Variants in KCNIP4 observed in about 807,000 individuals in gnomAD.
The protein encoded by KCNIP4 is potassium voltage-gated channel interacting protein 4.
In KCNIP4, 12 loss-of-function variants were observed where a neutral mutation model predicts 34.0. The observed-to-expected ratio is 0.35, with a 90% CI of 0.23 to 0.57. The LOEUF is 0.57. Ranked by LOEUF, KCNIP4 falls within the 20% of genes least tolerant of loss-of-function variation. The pLI, the probability that KCNIP4 is intolerant of heterozygous loss-of-function variation, is 0.83. For synonymous variants in KCNIP4, 124 were observed against 102.2 expected (o/e 1.21, Z -1.29); for missense variants, 238 against 311.7 (o/e 0.76, Z 1.78).
At chr4:20,737,470 A>G (rs1040946778) in intron 5 of KCNIP4, among the ~76,000 whole-genome samples, 7 of 152,166 alleles carry the variant, frequency 4.6e-5, no homozygotes, top group African/African-American at 1.7e-4. Flanking sequence ...GCTCTTGAGA[A>G]GGTGGGGAGG....
chr4:21,008,559 T>C, intron 1 of KCNIP4, among the ~76,000 whole-genome samples: 1 of 152,092 alleles, frequency 6.6e-6, no homozygotes, highest in Non-Finnish European at 1.5e-5. Context: ...AGTCTCGCTC[T>C]GTCGCCCAGG....
intron 1 of KCNIP4, among the ~76,000 whole-genome samples, chr4:21,284,793 C>T (rs975220742): frequency 3.3e-5 from 5 of 151,440 alleles, no homozygotes; most frequent in Non-Finnish European, 2.9e-5. Context: ...GCTGTAGTTA[C>T]CCAAAAGTAA....
Position 21,526,021 on chromosome 4 carries a change from G to T in KCNIP4, c.61+422550C>A, listed in dbSNP as rs550914367. 8.5e-5 allele frequency among the ~76,000 whole-genome samples: 13 copies of T among 152,162 alleles called. No homozygotes were observed. In the South Asian group the frequency reaches 2.3e-3, roughly 27 times the overall value. On this transcript the variant is annotated intron_variant, in intron 1 of 8. Coordinates refer to ENST00000382152, the MANE Select transcript of KCNIP4 (RefSeq NM_025221.6). ...TTTTTAACTGGAAGTTTTCTTCGAT[G>T]AATGAATATGCAGATGGCATATGAA...
intron 1 of KCNIP4, among the ~76,000 whole-genome samples, chr4:21,597,134 C>A (rs562138132): frequency 2.2e-4 from 33 of 152,108 alleles, no homozygotes; most frequent in African/African-American, 7.5e-4. Flanking sequence ...TTGTAGCTCC[C>A]ATAATTCTCA....
chr4:21,262,671 C>G (rs1051364364), intron 1 of KCNIP4, among the ~76,000 whole-genome samples: 1 of 152,152 alleles, frequency 6.6e-6, no homozygotes, highest in African/African-American at 2.4e-5. Flanking sequence ...TCTCTGGGAG[C>G]AATTTCTAAT....
At chr4:20,748,383 C>T (rs1245529881) in intron 5 of KCNIP4, among the ~76,000 whole-genome samples, 7 of 151,888 alleles carry the variant, frequency 4.6e-5, no homozygotes, top group Non-Finnish European at 1.0e-4. Context: ...GTCCTTTAGA[C>T]AGTCCATCAG....
At chr4:21,803,305 A>G (rs1401687591) in intron 1 of KCNIP4, among the ~76,000 whole-genome samples, 1 of 151,790 alleles carries the variant, frequency 6.6e-6, no homozygotes, top group Non-Finnish European at 1.5e-5. Flanking sequence ...AGAGTCTACA[A>G]CTCTCCATTC....
intron 1 of KCNIP4, among the ~76,000 whole-genome samples, chr4:21,286,297 A>G (rs1158696778): frequency 3.9e-5 from 6 of 152,234 alleles, no homozygotes; most frequent in African/African-American, 1.4e-4. Flanking sequence ...GCCTATGATA[A>G]GGCCACCGTT....
At chr4:21,513,065 A>G (rs1270084430) in intron 1 of KCNIP4, among the ~76,000 whole-genome samples, 1 of 152,180 alleles carries the variant, frequency 6.6e-6, no homozygotes, top group African/African-American at 2.4e-5. Context: ...TACCATTGCC[A>G]TTCCACCTCC....
At chr4:20,996,866 G>T (rs781288146) in intron 1 of KCNIP4, among the ~76,000 whole-genome samples, 1 of 151,912 alleles carries the variant, frequency 6.6e-6, no homozygotes, top group Non-Finnish European at 1.5e-5. Flanking sequence ...TCATCTCACT[G>T]TCTCCAGGAA....
intron 1 of KCNIP4, among the ~76,000 whole-genome samples, chr4:21,803,082 C>G (rs1721096485): frequency 6.6e-6 from 1 of 152,158 alleles, no homozygotes; most frequent in Non-Finnish European, 1.5e-5. Flanking sequence ...GGATGAAGGC[C>G]TGCTCCAGAA....
chr4:21,526,515 T>C (rs567177770), intron 1 of KCNIP4, among the ~76,000 whole-genome samples: 2 of 152,238 alleles, frequency 1.3e-5, no homozygotes, highest in South Asian at 2.1e-4. Flanking sequence ...TGTAACAAAA[T>C]TGAAGTTATG....
Position 21,763,105 on chromosome 4 carries a change from C to T in KCNIP4, c.61+185466G>A, listed in dbSNP as rs543690581. On this transcript the variant is annotated intron_variant, in intron 1 of 8. Transcript: ENST00000382152. Reference sequence around the variant, plus strand: ...ACACTCAGGAATGCATTCCTAACAACGAGCACAGGTTCACCAGACAATAAT... The same window carrying T: ...ACACTCAGGAATGCATTCCTAACAATGAGCACAGGTTCACCAGACAATAAT... The T allele has an allele frequency of 2.3e-4, 297 of 1,288,002 alleles. No individual in the cohort carries two copies. In the African/African-American group the frequency reaches 2.5e-3, roughly 11 times the overall value. The allele number at this position is 1,288,002 out of a possible 1,614,324, so 79.8% of individuals were successfully genotyped here.
intron 1 of KCNIP4, among the ~76,000 whole-genome samples, chr4:21,169,700 G>GTT (rs1285489394): frequency 6.6e-6 from 1 of 151,298 alleles, no homozygotes; most frequent in Admixed American, 6.6e-5. Context: ...GTGTGTGTGT[G>GTT]TGTGTTTTAT....
intron 1 of KCNIP4, among the ~76,000 whole-genome samples, chr4:20,961,725 T>A (rs1462058359): frequency 2.0e-5 from 3 of 152,136 alleles, no homozygotes; most frequent in African/African-American, 4.8e-5. Flanking sequence ...AATTCTGATC[T>A]CAGAGGTCCC....
At chr4:21,199,926 C>A (rs1756344852) in intron 1 of KCNIP4, among the ~76,000 whole-genome samples, 2 of 151,928 alleles carry the variant, frequency 1.3e-5, no homozygotes, top group African/African-American at 4.8e-5. Flanking sequence ...TCATTCTCAG[C>A]AAACTATTGC....
intron 1 of KCNIP4, among the ~76,000 whole-genome samples, chr4:21,860,299 G>A (rs567899624): frequency 1.3e-5 from 2 of 151,866 alleles, no homozygotes; most frequent in Admixed American, 1.3e-4. Flanking sequence ...ACACCCGGCT[G>A]ATTTTTGTAT....
intron 1 of KCNIP4, among the ~76,000 whole-genome samples, chr4:21,171,715 A>G (rs543704981): frequency 4.6e-5 from 7 of 152,236 alleles, no homozygotes; most frequent in African/African-American, 1.2e-4. Context: ...TTATTTGTAG[A>G]ATAGGAATAG....
intron 1 of KCNIP4, among the ~76,000 whole-genome samples, chr4:20,886,031 T>C (rs1725269305): frequency 6.6e-6 from 1 of 152,198 alleles, no homozygotes; most frequent in Non-Finnish European, 1.5e-5. Context: ...GCAAGTATAA[T>C]TAAAACAATT....
Sources: allele counts gnomAD v4.1 joint callset (sites outside exome capture counted in the v4.1 genomes callset), GRCh38; gene constraint gnomAD v4.1.1; transcripts MANE v1.5; gene names NCBI Gene and HGNC (gene_info 2026-07-23, HGNC 2026-07-21).